NAV3: variants seen among roughly 807,000 people sequenced by gnomAD.
The protein encoded by NAV3 is pore membrane and/or filament interacting like protein 1.
In NAV3, 87 loss-of-function variants were observed where a neutral mutation model predicts 244.7. That is an observed-to-expected ratio of 0.36 (90% CI 0.30 to 0.42). The LOEUF is 0.42. Among genes scored for constraint, NAV3 ranks in the 20% least tolerant of loss-of-function variants. The pLI, the probability that NAV3 is intolerant of heterozygous loss-of-function variation, is 1.00. For missense variants in NAV3, 2,663 were observed against 2,893.3 expected (o/e 0.92, Z 1.83); for synonymous variants, 1,126 against 1,042.2 (o/e 1.08, Z -1.55).
intron 23 of NAV3, among the ~76,000 whole-genome samples, chr12:78,160,127 A>G (rs1957464536): frequency 6.6e-6 from 1 of 152,176 alleles, no homozygotes; most frequent in Non-Finnish European, 1.5e-5. Context: ...TTTGAAGAAA[A>G]GTCATTTGTT....
chr12:78,043,416 GAATGATTTAT>G (rs1311742488), intron 9 of NAV3, among the ~76,000 whole-genome samples: 4 of 152,246 alleles, frequency 2.6e-5, no homozygotes, highest in Admixed American at 6.5e-5. Context: ...CTTTATAATA[GAATGATTTAT>G]AATCCTTTGG....
chr12:78,185,580 C>T (rs2139802278), intron 30 of NAV3, 21 bp from the exon 31 acceptor site: 1 of 1,596,994 alleles, frequency 6.3e-7, no homozygotes, highest in South Asian at 1.1e-5. Flanking sequence ...TTGTGTATGT[C>T]TTTCTTTTAA....
intron 2 of NAV3, among the ~76,000 whole-genome samples, chr12:77,770,558 G>T (rs1212977404): frequency 6.6e-6 from 1 of 152,182 alleles, no homozygotes; most frequent in African/African-American, 2.4e-5. Flanking sequence ...GCTTGCCCCA[G>T]TGGTTGCCAA....
Position 78,137,160 on chromosome 12 carries a change from T to C in NAV3, c.4442-17T>C, listed in dbSNP as rs767420482. 4 of 1,604,382 alleles carry C rather than the reference T, an allele frequency of 2.5e-6. No individual in the cohort carries two copies. Among genetic ancestry groups the C allele is most frequent in the African/African-American group, 1.3e-5 (1 of 74,654 alleles). ...TCAAGCTTAAGAGTAATAGGCTCTG[T>C]GTGTTTTGTTTTTCAGTGAGCCCAA... On this transcript the variant is annotated splice_polypyrimidine_tract_variant and intron_variant, in intron 18 of 39. Transcript: ENST00000397909.
At chr12:77,928,494 C>G (rs955589356) in intron 1 of NAV3, among the ~76,000 whole-genome samples, 11 of 152,162 alleles carry the variant, frequency 7.2e-5, no homozygotes, top group African/African-American at 2.2e-4. Flanking sequence ...CCGACCCCCT[C>G]CCTCCCTTCC....
intron 3 of NAV3, among the ~76,000 whole-genome samples, chr12:77,955,079 T>G (rs1891241755): frequency 6.6e-6 from 1 of 152,182 alleles, no homozygotes; most frequent in Non-Finnish European, 1.5e-5. Flanking sequence ...TCAGGATTTG[T>G]GCTCTGGAGC....
At chr12:78,120,011 C>A in intron 15 of NAV3, 66 bp downstream of exon 15, 1 of 1,190,450 alleles carries the variant, frequency 8.4e-7, no homozygotes, top group Non-Finnish European at 1.2e-6. Flanking sequence ...ACATACATTA[C>A]ATATAAATGT....
chr12:77,901,760 T>C (rs1400007316), intron 1 of NAV3, among the ~76,000 whole-genome samples: 1 of 152,116 alleles, frequency 6.6e-6, no homozygotes, highest in African/African-American at 2.4e-5. Context: ...CTTCTTCGTA[T>C]GGCCCATGGC....
In NAV3 at chr12:77,879,161, C is replaced by T. The variant is rs139417716; in HGVS notation, c.243+47457C>T. On this transcript the variant is annotated intron_variant, in intron 1 of 39. Transcript: ENST00000397909. ...TATGAGTAAGGGAGAGTTGCGAACC[C>T]GCTTGGATAGCTACCCTGCAAATTT... Among the ~76,000 whole-genome samples the T allele has an allele frequency of 3.2e-3, 481 of 152,226 alleles. 3 individuals carry two copies. The highest frequency in any genetic ancestry group is 0.011 in the African/African-American group (438 of 41,542).
chr12:77,964,757 T>C (rs1892362255), intron 3 of NAV3, among the ~76,000 whole-genome samples: 1 of 152,164 alleles, frequency 6.6e-6, no homozygotes, highest in Non-Finnish European at 1.5e-5. Context: ...ATTTATTCAT[T>C]AGAATAATTT....
chr12:78,087,960 A>G (rs567670449), intron 12 of NAV3, among the ~76,000 whole-genome samples: 1 of 151,836 alleles, frequency 6.6e-6, no homozygotes, highest in Admixed American at 6.6e-5. Flanking sequence ...AGCTTTTGCT[A>G]AATTAAAAAC....
chr12:77,686,751 T>C (rs1360792152), intron 2 of NAV3, among the ~76,000 whole-genome samples: 2 of 152,168 alleles, frequency 1.3e-5, no homozygotes, highest in African/African-American at 2.4e-5. Flanking sequence ...CCTAGGTTCA[T>C]CTGACTTTAC....
intron 1 of NAV3, among the ~76,000 whole-genome samples, chr12:77,903,176 G>A (rs1021099821): frequency 6.6e-5 from 10 of 152,084 alleles, no homozygotes; most frequent in African/African-American, 1.7e-4. Flanking sequence ...AACAGAGCCC[G>A]CATCGCCAAG....
intron 34 of NAV3, among the ~76,000 whole-genome samples, chr12:78,190,639 G>T (rs1488799920): frequency 6.6e-6 from 1 of 152,036 alleles, no homozygotes; most frequent in East Asian, 1.9e-4. Flanking sequence ...CATGGGTTTT[G>T]CAGGAATGGA....
intron 2 of NAV3, among the ~76,000 whole-genome samples, chr12:77,767,913 A>G (rs898681066): frequency 1.3e-5 from 2 of 152,226 alleles, no homozygotes; most frequent in African/African-American, 2.4e-5. Flanking sequence ...GGCAGGTCCC[A>G]AGTTTTGTCC....
chr12:77,953,192 G>A (rs1043956068), intron 3 of NAV3, among the ~76,000 whole-genome samples: 1 of 152,042 alleles, frequency 6.6e-6, no homozygotes, highest in Non-Finnish European at 1.5e-5. Flanking sequence ...GTAAATTAAA[G>A]AAGAATAGCA....
chr12:77,776,347 A>G (rs1870354707), intron 2 of NAV3, among the ~76,000 whole-genome samples: 1 of 152,242 alleles, frequency 6.6e-6, no homozygotes, highest in Non-Finnish European at 1.5e-5. Flanking sequence ...ACATGTTGAA[A>G]TCTTTCTGTA....
At chr12:77,652,150 G>C (rs1872854077) in intron 2 of NAV3, among the ~76,000 whole-genome samples, 1 of 152,116 alleles carries the variant, frequency 6.6e-6, no homozygotes, top group South Asian at 2.1e-4. Context: ...AGTGAAACTG[G>C]AAGTACTCAG....
intron 9 of NAV3, among the ~76,000 whole-genome samples, chr12:78,029,203 C>T (rs910237146): frequency 6.6e-6 from 1 of 150,674 alleles, no homozygotes; most frequent in East Asian, 1.9e-4. Context: ...AAAATACTTT[C>T]AGAGTCCATA....
Sources: gnomAD v4.1 joint callset for allele counts (sites outside exome capture counted in the v4.1 genomes callset) on GRCh38, gnomAD v4.1.1 for gene constraint, MANE v1.5 for transcripts, NCBI Gene and HGNC (gene_info 2026-07-23, HGNC 2026-07-21) for gene names.